The following RAB5B variants were observed in gnomAD, a reference collection of about 807,000 sequenced individuals.
RAB5B encodes ras-related protein Rab-5B.
RAB5B carries 11 observed loss-of-function variants against 28.6 expected under a neutral mutation model. The ratio of observed to expected loss-of-function variants is 0.38; its 90% confidence interval spans 0.24 to 0.64. The LOEUF is 0.64. RAB5B is among the 30% of genes least tolerant of loss of function. RAB5B has a pLI of 0.53. For missense variants in RAB5B, 169 were observed against 265.6 expected, an observed-to-expected ratio of 0.64 and a Z score of 2.53; for synonymous variants, 93 against 97.9, an observed-to-expected ratio of 0.95 and a Z score of 0.29.
intron 1 of RAB5B, among the ~76,000 whole-genome samples, chr12:55,983,297 G>T (rs942576420): frequency 6.6e-6 from 1 of 152,082 alleles, no homozygotes; most frequent in Non-Finnish European, 1.5e-5. Context: ...GGCCAGGCTG[G>T]TCTCAAACTC....
chr12:55,980,885 A>T, intron 1 of RAB5B: 1 of 1,611,388 alleles, frequency 6.2e-7, no homozygotes, highest in Non-Finnish European at 8.5e-7. Flanking sequence ...CTCTATATCC[A>T]CAGTGCGGAT....
At chr12:55,981,174 G>A (rs562428674) in intron 1 of RAB5B, 75 of 696,502 alleles carry the variant, frequency 1.1e-4, no homozygotes, top group Middle Eastern at 3.5e-4. Context: ...AGCAATTCTC[G>A]TGCCTCAGCC....
intron 1 of RAB5B, among the ~76,000 whole-genome samples, chr12:55,985,307 TA>T (rs539774657): frequency 8.5e-5 from 13 of 152,310 alleles, no homozygotes; most frequent in African/African-American, 3.1e-4. Flanking sequence ...CCAGTCCCAC[TA>T]ATTGTGGTGA....
At chr12:55,976,996 C>T (rs137895230) in intron 1 of RAB5B, among the ~76,000 whole-genome samples, 10 of 152,156 alleles carry the variant, frequency 6.6e-5, no homozygotes, top group South Asian at 4.1e-4. Flanking sequence ...TGTTTTTAGA[C>T]GGAGTTTCAC....
chr12:55,990,820 G>A lies in RAB5B; in HGVS notation c.438+16G>A. On this transcript the variant is annotated intron_variant, in intron 4 of 5. Transcript: ENST00000360299. ...GGAGTATGAAGTAAGGTGGCCCGTG[G>A]AGTTCCTCTCTAACACTTCCTCTGT... 6.2e-7 allele frequency: 1 copy of A among 1,612,924 alleles called. No individual in the cohort carries two copies. The highest frequency in any genetic ancestry group is 1.1e-5 in the South Asian group (1 of 91,014).
rs1280354469 is a variant in RAB5B at position 55,995,962 on chromosome 12, T to A, written c.*3750T>A. On this transcript the variant is annotated 3_prime_UTR_variant, in exon 6 of 6. Coordinates refer to ENST00000360299, the MANE Select transcript of RAB5B (RefSeq NM_002868.4). ...CTCCCTCTCTCTCTCTCTCTCACTC[T>A]CTCTCTCTCCATATATATATACATA... 1 of 134,266 alleles carries A rather than the reference T, an allele frequency of 7.4e-6. No individual in the cohort carries two copies. The highest frequency in any genetic ancestry group is 1.6e-5 in the Non-Finnish European group (1 of 63,534). 8.3% of individuals were successfully genotyped at this position (134,266 alleles called of 1,614,324 possible). A position where few individuals can be genotyped will look rare whatever the true frequency, so the allele number is the denominator to read the frequency against.
intron 2 of RAB5B, among the ~76,000 whole-genome samples, chr12:55,988,929 T>C (rs1053073580): frequency 6.8e-6 from 1 of 147,050 alleles, no homozygotes; most frequent in Non-Finnish European, 1.5e-5. Context: ...AATCTTCTAA[T>C]TAATTCTTTT....
rs531910671 is a variant in RAB5B, at chr12:55,993,969, G to C, written c.*1757G>C. The C allele has an allele frequency of 2.6e-5, 4 of 152,450 alleles. No individual in the cohort carries two copies. Among genetic ancestry groups the C allele is most frequent in the Non-Finnish European group, 5.9e-5 (4 of 68,032 alleles). 9.4% of individuals were successfully genotyped at this position (152,450 alleles called of 1,614,324 possible). ...AGAGAACTTTAAGTTCCTTGTTCCA[G>C]CCCGGAGTTTTGGGAAAGAAAGAAA... is the stretch of plus-strand genomic sequence containing the variant. On this transcript the variant is annotated 3_prime_UTR_variant, in exon 6 of 6. Coordinates refer to ENST00000360299, the MANE Select transcript of RAB5B (RefSeq NM_002868.4).
rs781689220 is a variant in RAB5B, at chr12:55,987,007, G to A, written c.47G>A (p.Ser16Asn). 27 of 1,559,720 alleles carry A rather than the reference G, an allele frequency of 1.7e-5. No homozygotes were observed. The highest frequency in any genetic ancestry group is 2.4e-5 in the Non-Finnish European group (27 of 1,147,252). ...TARPNGQPQA[S>N]KICQFKLVLL... The stretch of plus-strand genomic sequence containing the variant: ...AGGCCCAATGGGCAACCCCAGGCCA[G>A]CAAAATTTGCCAGTTCAAATTGGTC... The change falls in exon 2 of 6, where the codon AGC becomes AAC. Residue 16 changes from serine to asparagine, a missense_variant. Ser to Asn is a conservative substitution (Grantham distance 46). This residue lies in a region of RAB5B where 43 missense variants were observed against 85.8 expected (regional missense o/e 0.50). Transcript: ENST00000360299.
chr12:55,989,947 C>T lies in RAB5B; in HGVS notation c.164C>T (p.Ala55Val), dbSNP rs779153253. 2.5e-6 allele frequency: 4 copies of T among 1,610,618 alleles called. No homozygotes were observed. The highest frequency in any genetic ancestry group is 1.7e-5 in the Admixed American group (1 of 60,000). Residue 55 changes from alanine to valine, a missense_variant and splice_region_variant, in exon 3 of 6, where the codon GCG becomes GTG. Coordinates refer to ENST00000360299, the MANE Select transcript of RAB5B (RefSeq NM_002868.4). ...FHEYQESTIG[A>V]AFLTQSVCLD... ...TTCCCCTCCATTCTCTCATCCATAG[C>T]GGCCTTCCTCACCCAGTCCGTTTGT... is the stretch of plus-strand genomic sequence containing the variant.
chr12:55,982,828 C>T (rs2136478144), intron 1 of RAB5B, among the ~76,000 whole-genome samples: 1 of 152,310 alleles, frequency 6.6e-6, no homozygotes, highest in Middle Eastern at 3.4e-3. Flanking sequence ...TATGTTTAGC[C>T]ATGAGAATTC....
At chr12:55,982,173 A>G (rs1889825354) in intron 1 of RAB5B, among the ~76,000 whole-genome samples, 1 of 151,480 alleles carries the variant, frequency 6.6e-6, no homozygotes, top group African/African-American at 2.4e-5. Flanking sequence ...AGGAAGAGAA[A>G]CCTGCCCCAT....
chr12:55,975,681 A>G (rs945536655), intron 1 of RAB5B, among the ~76,000 whole-genome samples: 4 of 151,414 alleles, frequency 2.6e-5, no homozygotes, highest in African/African-American at 7.3e-5. Context: ...CATATTTTTA[A>G]TGGTCTGCTA....
At position 55,990,100 on chromosome 12, in the gene RAB5B, T is replaced by A. The variant is rs2136488883; in HGVS notation, c.315+2T>A. ...GTGGTTTACGACATTACTAATCAGG[T>A]AAGTGAGCTAAGAAGACTGTCCTTG... On this transcript the variant is annotated splice_donor_variant, in intron 3 of 5. Transcript: ENST00000360299. LOFTEE classifies it high-confidence loss of function. 6.2e-7 allele frequency: 1 copy of A among 1,611,554 alleles called. No individual in the cohort carries two copies. The highest frequency in any genetic ancestry group is 8.5e-7 in the Non-Finnish European group (1 of 1,178,550).
At chr12:55,989,764 G>C (rs1203692462) in intron 2 of RAB5B, among the ~76,000 whole-genome samples, 183 bp from the exon 3 acceptor site, 1 of 152,198 alleles carries the variant, frequency 6.6e-6, no homozygotes, top group Non-Finnish European at 1.5e-5. Flanking sequence ...ACTTAGCCAA[G>C]GGCAGTCTTA....
chr12:55,977,131 C>T (rs535206034), intron 1 of RAB5B, among the ~76,000 whole-genome samples: 1 of 152,212 alleles, frequency 6.6e-6, no homozygotes, highest in African/African-American at 2.4e-5. Context: ...TGCACCACCA[C>T]GACCAGCTAA....
chr12:55,978,440 C>T (rs1889706665), intron 1 of RAB5B, among the ~76,000 whole-genome samples: 2 of 151,846 alleles, frequency 1.3e-5, no homozygotes, highest in South Asian at 4.2e-4. Flanking sequence ...GGAGGCAGAG[C>T]TTGCAGTGAG....
Position 55,989,981 on chromosome 12 carries a change from C to T in RAB5B, c.198C>T (p.Asp66=). ...AFLTQSVCLD[D]TTVKFEIWDT... ...TCACCCAGTCCGTTTGTCTAGATGA[C>T]ACAACAGTGAAGTTTGAGATCTGGG... Residue 66 remains aspartate (D), a synonymous_variant, in exon 3 of 6, where the codon GAC becomes GAT. Transcript: ENST00000360299. The T allele has an allele frequency of 1.2e-6, 2 of 1,613,626 alleles. No homozygotes were observed. Among genetic ancestry groups the T allele is most frequent in the South Asian group, 1.1e-5 (1 of 91,064 alleles).
At chr12:55,989,161 C>T (rs989048537) in intron 2 of RAB5B, among the ~76,000 whole-genome samples, 1 of 151,906 alleles carries the variant, frequency 6.6e-6, no homozygotes, top group South Asian at 2.1e-4. Context: ...AGGCTGGTCT[C>T]GAACTCCTGA....
Sources: allele counts gnomAD v4.1 joint callset (sites outside exome capture counted in the v4.1 genomes callset), GRCh38; gene constraint gnomAD v4.1.1; regional missense constraint gnomAD v4.1.1; transcripts MANE v1.5; gene names NCBI Gene and HGNC (gene_info 2026-07-23, HGNC 2026-07-21).